Variants in SYCP1 observed in about 807,000 individuals in gnomAD.
SYCP1 encodes the protein synaptonemal complex protein 1.
In SYCP1, 64 loss-of-function variants were observed where a neutral mutation model predicts 153.1. That is an observed-to-expected ratio of 0.42 (90% CI 0.34 to 0.51). SYCP1 has a LOEUF of 0.51. SYCP1 is among the 20% of genes least tolerant of loss of function. SYCP1 has a pLI of 0.06. For synonymous variants in SYCP1, 384 were observed against 341.8 expected, an observed-to-expected ratio of 1.12 and a Z score of -1.36; for missense variants, 997 against 1,049.0, an observed-to-expected ratio of 0.95 and a Z score of 0.68.
chr1:114,965,736 G>T (rs1007778488), intron 27 of SYCP1, among the ~76,000 whole-genome samples: 1 of 152,166 alleles, frequency 6.6e-6, no homozygotes, highest in African/African-American at 2.4e-5. Context: ...TGTGCTGCTG[G>T]ATTAGGTTTG....
intron 23 of SYCP1, among the ~76,000 whole-genome samples, chr1:114,927,387 T>C (rs1669328268): frequency 6.6e-6 from 1 of 151,620 alleles, no homozygotes; most frequent in African/African-American, 2.4e-5. Context: ...AGTATAAAAA[T>C]CAGTCAATAA....
At chr1:114,941,411 T>C (rs559705403) in intron 23 of SYCP1, among the ~76,000 whole-genome samples, 1 of 152,244 alleles carries the variant, frequency 6.6e-6, no homozygotes, top group South Asian at 2.1e-4. Context: ...CTGTTTCATG[T>C]TTGCTTGTTA....
At chr1:114,950,777 T>G (rs1671048404) in intron 27 of SYCP1, among the ~76,000 whole-genome samples, 1 of 152,042 alleles carries the variant, frequency 6.6e-6, no homozygotes. Flanking sequence ...TAATGATGAA[T>G]GCTAATTATA....
chr1:114,912,692 C>T (rs1287505724), intron 18 of SYCP1, among the ~76,000 whole-genome samples: 2 of 151,792 alleles, frequency 1.3e-5, no homozygotes, highest in African/African-American at 2.4e-5. Context: ...TTCTAAGAGA[C>T]AGTCTAATGG....
At chr1:114,961,423 G>A (rs931713088) in intron 27 of SYCP1, among the ~76,000 whole-genome samples, 3 of 152,082 alleles carry the variant, frequency 2.0e-5, no homozygotes, top group East Asian at 1.9e-4. Context: ...TCCTTGAGAT[G>A]TGACCTTAGA....
At chr1:114,878,334 G>T (rs1570683509) in intron 12 of SYCP1, 132 bp downstream of exon 12, 1 of 597,058 alleles carries the variant, frequency 1.7e-6, no homozygotes, top group East Asian at 3.3e-5. Context: ...TGGTTCGGTT[G>T]GAGGAGGGCA....
At chr1:114,862,172 C>T (rs1182902451) in intron 8 of SYCP1, among the ~76,000 whole-genome samples, 1 of 152,038 alleles carries the variant, frequency 6.6e-6, no homozygotes, top group Non-Finnish European at 1.5e-5. Context: ...CAGAATGTAC[C>T]ATACCACTAC....
intron 25 of SYCP1, among the ~76,000 whole-genome samples, chr1:114,945,424 T>A (rs1670647055): frequency 6.6e-6 from 1 of 152,026 alleles, no homozygotes; most frequent in Admixed American, 6.5e-5. Flanking sequence ...ATTGTTGTTT[T>A]AGAGTATCCA....
At chr1:114,906,577 ATAGTTT>A (rs1667823015) in intron 16 of SYCP1, among the ~76,000 whole-genome samples, 1 of 152,158 alleles carries the variant, frequency 6.6e-6, no homozygotes, top group South Asian at 2.1e-4. Context: ...TTAGTTTAAA[ATAGTTT>A]TAAATTTCTC....
intron 21 of SYCP1, among the ~76,000 whole-genome samples, chr1:114,924,565 G>A (rs1669130918): frequency 6.6e-6 from 1 of 152,156 alleles, no homozygotes. Flanking sequence ...ATAGGGATTA[G>A]TGGAGGACAG....
chr1:114,886,417 A>T, intron 14 of SYCP1, 108 bp downstream of exon 14: 1 of 946,250 alleles, frequency 1.1e-6, no homozygotes, highest in South Asian at 2.6e-5. Flanking sequence ...TGTAATTCAT[A>T]TAACAACTGT....
At chr1:114,902,005 G>A (rs536190028) in intron 16 of SYCP1, among the ~76,000 whole-genome samples, 2 of 152,048 alleles carry the variant, frequency 1.3e-5, no homozygotes, top group Admixed American at 6.5e-5. Flanking sequence ...GATGGAGCTG[G>A]ACTCCTTGGC....
At chr1:114,859,852 A>G in intron 7 of SYCP1, 42 bp downstream of exon 7, 1 of 588,714 alleles carries the variant, frequency 1.7e-6, no homozygotes, top group South Asian at 2.6e-5. Flanking sequence ...CACATTTTTT[A>G]TTCCAAATTT....
chr1:114,907,341 A>G (rs1259119944), intron 16 of SYCP1, among the ~76,000 whole-genome samples: 1 of 152,168 alleles, frequency 6.6e-6, no homozygotes, highest in African/African-American at 2.4e-5. Flanking sequence ...TGTGGCTTAG[A>G]TTAGATTCAC....
intron 23 of SYCP1, among the ~76,000 whole-genome samples, chr1:114,926,955 T>G (rs554420461): frequency 4.5e-4 from 68 of 152,250 alleles, no homozygotes; most frequent in African/African-American, 1.6e-3. Context: ...TTGAAAACCA[T>G]TTACTTGTAT....
chr1:114,881,501 A>ATCATTCCTTCCTTCCT (rs1665925620), intron 12 of SYCP1, among the ~76,000 whole-genome samples: 1 of 102,624 alleles, frequency 9.7e-6, no homozygotes, highest in Non-Finnish European at 2.3e-5. Flanking sequence ...GGAAGGTATT[A>ATCATTCCTTCCTTCCT]TCCTTCCTTC....
intron 16 of SYCP1, among the ~76,000 whole-genome samples, chr1:114,895,787 T>G (rs1310626345): frequency 1.3e-5 from 2 of 152,146 alleles, no homozygotes; most frequent in African/African-American, 2.4e-5. Flanking sequence ...AATTTGGTAA[T>G]TTTGGATGTT....
At chr1:114,883,022 T>G (rs1666061758) in intron 12 of SYCP1, among the ~76,000 whole-genome samples, 1 of 152,252 alleles carries the variant, frequency 6.6e-6, no homozygotes, top group African/African-American at 2.4e-5. Flanking sequence ...AGTCCAACTT[T>G]GCCAGGGTCT....
Position 114,987,030 on chromosome 1 carries a change from C to T in SYCP1, c.2703+2162C>T, listed in dbSNP as rs998559561. On this transcript the variant is annotated intron_variant, in intron 30 of 31. Coordinates refer to ENST00000369522, the MANE Select transcript of SYCP1 (RefSeq NM_003176.4). ...ACATCAGAGTTCAGTGTTTCAACCC[C>T]CACTGGCTGAAGCAACTTCCAGGAA... is the stretch of plus-strand genomic sequence containing the variant. 2.0e-5 allele frequency among the ~76,000 whole-genome samples: 3 copies of T among 151,532 alleles called. No individual in the cohort carries two copies. The South Asian group carries it at 6.2e-4, about 31-fold the overall frequency.
Sources: allele counts gnomAD v4.1 joint callset (sites outside exome capture counted in the v4.1 genomes callset), GRCh38; gene constraint gnomAD v4.1.1; transcripts MANE v1.5; gene names NCBI Gene and HGNC (gene_info 2026-07-23, HGNC 2026-07-21).